The following MACROD2 variants were observed in gnomAD, a reference collection of about 807,000 sequenced individuals.
MACROD2 encodes the protein mono-ADP ribosylhydrolase 2, also known as ADP-ribose glycohydrolase MACROD2.
MACROD2 carries 36 observed loss-of-function variants against 70.4 expected under a neutral mutation model. The observed-to-expected ratio is 0.51, with a 90% CI of 0.39 to 0.68. The LOEUF is 0.68. Ranked by LOEUF, MACROD2 falls within the 30% of genes least tolerant of loss-of-function variation. MACROD2 has a pLI of 0.00. For synonymous variants in MACROD2, 172 were observed against 178.8 expected, an observed-to-expected ratio of 0.96 and a Z score of 0.30; for missense variants, 496 against 538.4, an observed-to-expected ratio of 0.92 and a Z score of 0.78.
At chr20:15,387,943 G>T (rs981345525) in intron 6 of MACROD2, among the ~76,000 whole-genome samples, 3 of 151,824 alleles carry the variant, frequency 2.0e-5, no homozygotes, top group African/African-American at 7.3e-5. Context: ...TAGAGACAGG[G>T]TCTCCCTATG....
intron 4 of MACROD2, among the ~76,000 whole-genome samples, chr20:14,624,651 A>G (rs1984029479): frequency 6.6e-6 from 1 of 152,320 alleles, no homozygotes; most frequent in East Asian, 1.9e-4. Flanking sequence ...TGAACACAGC[A>G]AAGGCCAGAA....
At chr20:14,611,452 GTTTT>G (rs11473891) in intron 4 of MACROD2, among the ~76,000 whole-genome samples, 4 of 113,376 alleles carry the variant, frequency 3.5e-5, no homozygotes, top group Non-Finnish European at 3.6e-5. Flanking sequence ...ATGCCCTGAG[GTTTT>G]TTTTTTTTTT....
At chr20:15,510,303 A>G (rs1343820492) in intron 8 of MACROD2, among the ~76,000 whole-genome samples, 1 of 152,096 alleles carries the variant, frequency 6.6e-6, no homozygotes, top group Non-Finnish European at 1.5e-5. Flanking sequence ...TCTAACAACC[A>G]TTTTCTGGAG....
At chr20:14,588,481 T>C (rs910793942) in intron 4 of MACROD2, among the ~76,000 whole-genome samples, 11 of 152,186 alleles carry the variant, frequency 7.2e-5, no homozygotes, top group Non-Finnish European at 1.5e-4. Flanking sequence ...TTTAGTTCTT[T>C]TCTGGCTTTG....
At chr20:15,045,719 G>GTTTTTTTTTTTTTTTTTTT (rs71335981) in intron 5 of MACROD2, among the ~76,000 whole-genome samples, 1 of 73,382 alleles carries the variant, frequency 1.4e-5, no homozygotes, top group Non-Finnish European at 2.5e-5. Context: ...CCAGACCAGG[G>GTTTTTTTTTTTTTTTTTTT]TTTTTTTTTT....
At chr20:15,400,071 C>CTTTCTTTTGA (rs1462206092) in intron 6 of MACROD2, among the ~76,000 whole-genome samples, 58 of 152,306 alleles carry the variant, frequency 3.8e-4, no homozygotes, top group Admixed American at 1.1e-3. Flanking sequence ...TAAAAGAAGT[C>CTTTCTTTTGA]AGGAAGTTGA....
intron 6 of MACROD2, among the ~76,000 whole-genome samples, chr20:15,268,643 A>G (rs1432121595): frequency 6.6e-6 from 1 of 152,182 alleles, no homozygotes; most frequent in Admixed American, 6.5e-5. Context: ...ACAGAGCGAG[A>G]CTCATCTCAA....
chr20:14,874,814 C>T (rs2073531131), intron 5 of MACROD2, among the ~76,000 whole-genome samples: 1 of 151,868 alleles, frequency 6.6e-6, no homozygotes, highest in African/African-American at 2.4e-5. Flanking sequence ...AGATGATCCT[C>T]ATGCCTCAGC....
At chr20:14,930,878 AC>A (rs2074289644) in intron 5 of MACROD2, among the ~76,000 whole-genome samples, 1 of 150,298 alleles carries the variant, frequency 6.7e-6, no homozygotes, top group African/African-American at 2.4e-5. Context: ...AAAAAAAAAA[AC>A]AAAAGCCAGG....
intron 3 of MACROD2, among the ~76,000 whole-genome samples, chr20:14,137,690 CAT>C (rs1353480247): frequency 6.6e-6 from 1 of 151,936 alleles, no homozygotes; most frequent in Non-Finnish European, 1.5e-5. Context: ...TAGAAGATAA[CAT>C]AGGGAAAAAT....
chr20:15,042,048 T>G (rs1352708405), intron 5 of MACROD2, among the ~76,000 whole-genome samples: 1 of 152,140 alleles, frequency 6.6e-6, no homozygotes, highest in Non-Finnish European at 1.5e-5. Flanking sequence ...CAAAGAAGTT[T>G]GGAGCCCCAA....
At chr20:15,507,936 C>A (rs910973300) in intron 8 of MACROD2, among the ~76,000 whole-genome samples, 8 of 152,188 alleles carry the variant, frequency 5.3e-5, no homozygotes, top group Non-Finnish European at 5.9e-5. Flanking sequence ...ACCAGTTAGC[C>A]AGTGATGGGG....
chr20:14,990,595 C>A (rs1052115786), intron 5 of MACROD2, among the ~76,000 whole-genome samples: 3 of 149,810 alleles, frequency 2.0e-5, no homozygotes, highest in African/African-American at 7.4e-5. Flanking sequence ...CTCACTGAAA[C>A]CTCTGCCTCT....
At chr20:15,681,916 A>T (rs922421854) in intron 8 of MACROD2, among the ~76,000 whole-genome samples, 1 of 152,160 alleles carries the variant, frequency 6.6e-6, no homozygotes, top group African/African-American at 2.4e-5. Context: ...GTACCTTATC[A>T]TTGGCCATTT....
At chr20:15,944,099 T>G (rs1156719348) in intron 12 of MACROD2, among the ~76,000 whole-genome samples, 1 of 152,082 alleles carries the variant, frequency 6.6e-6, no homozygotes, top group Non-Finnish European at 1.5e-5. Flanking sequence ...TTATTTATAG[T>G]TTTCTTCCTA....
chr20:15,132,989 A>C (rs1601117281), intron 5 of MACROD2, among the ~76,000 whole-genome samples: 1 of 152,092 alleles, frequency 6.6e-6, no homozygotes. Flanking sequence ...TAGCTGGCTA[A>C]TTGTTGCAGA....
chr20:14,784,296 C>A (rs1444117506), intron 5 of MACROD2, among the ~76,000 whole-genome samples: 1 of 152,124 alleles, frequency 6.6e-6, no homozygotes, highest in African/African-American at 2.4e-5. Flanking sequence ...AGAGTTCTTG[C>A]CTCTGAGCCT....
chr20:16,051,458 T>TGGA lies in MACROD2; in HGVS notation c.*1582_*1583insGGA, dbSNP rs1263186920. 3.3e-5 allele frequency: 5 copies of TGGA among 152,236 alleles called. No individual in the cohort carries two copies. Among genetic ancestry groups the TGGA allele is most frequent in the African/African-American group, 7.2e-5 (3 of 41,468 alleles). 9.4% of individuals were successfully genotyped at this position (152,236 alleles called of 1,614,324 possible). The stretch of plus-strand genomic sequence containing the variant: ...TGATATACTGGAATAGTTAACAAGC[T>TGGA]ATACTTCAGCATATGCACTATATTC... On this transcript the variant is annotated 3_prime_UTR_variant, in exon 18 of 18. Coordinates refer to ENST00000684519, the MANE Select transcript of MACROD2 (RefSeq NM_001351661.2).
intron 5 of MACROD2, among the ~76,000 whole-genome samples, chr20:15,208,493 C>T (rs2076731087): frequency 6.6e-6 from 1 of 152,032 alleles, no homozygotes; most frequent in African/African-American, 2.4e-5. Context: ...ATATAATACC[C>T]TGTATGTTAT....
Sources: allele counts gnomAD v4.1 joint callset (sites outside exome capture counted in the v4.1 genomes callset), GRCh38; gene constraint gnomAD v4.1.1; transcripts MANE v1.5; gene names NCBI Gene and HGNC (gene_info 2026-07-23, HGNC 2026-07-21).